PDK3: variants seen among roughly 807,000 people sequenced by gnomAD.
PDK3 encodes the protein pyruvate dehydrogenase kinase, isozyme 3.
PDK3 carries 12 observed loss-of-function variants against 32.0 expected under a neutral mutation model. The observed-to-expected ratio is 0.37, with a 90% CI of 0.24 to 0.61. The LOEUF (loss-of-function observed/expected upper bound fraction) is 0.61. Ranked by LOEUF, PDK3 falls within the 20% of genes least tolerant of loss-of-function variation. The pLI is 0.65. For missense variants in PDK3, 188 were observed against 316.9 expected, an observed-to-expected ratio of 0.59 and a Z score of 3.09; for synonymous variants, 122 against 116.3, an observed-to-expected ratio of 1.05 and a Z score of -0.31.
At chrX:24,536,023 G>T (rs1376717291), downstream of PDK3, among the ~76,000 whole-genome samples, 2 of 102,052 alleles carry the variant, frequency 2.0e-5, no homozygotes, top group Non-Finnish European at 4.0e-5. Context: ...GAAGGGAGGG[G>T]AGGGGAGGGA....
chrX:24,540,403 G>T lies in PDK3; in HGVS notation c.*1239G>T, dbSNP rs953359319. Reference sequence around the variant, plus strand: ...AAATGTTTCAGTCCAATTTGTAAGTGTTGAGTCCACTGATGTAGAAGTTCT... The same window carrying T: ...AAATGTTTCAGTCCAATTTGTAAGTTTTGAGTCCACTGATGTAGAAGTTCT... On this transcript the variant is annotated 3_prime_UTR_variant, in exon 12 of 12. Coordinates refer to the PDK3 transcript ENST00000568479. Among the ~76,000 whole-genome samples, 4 of 111,812 alleles carry T rather than the reference G, an allele frequency of 3.6e-5. No individual in the cohort carries two copies. In the South Asian group the frequency reaches 1.1e-3, roughly 31 times the overall value.
rs1921957499 is a variant in PDK3, at chrX:24,505,397, T to G, written c.595+99T>G. 5.4e-6 allele frequency: 3 copies of G among 555,371 alleles called. No individual in the cohort carries two copies. The East Asian group carries it at 1.1e-4, about 21-fold the overall frequency. The allele number at this position is 555,371 out of a possible 1,213,427, so 45.8% of individuals were successfully genotyped here. A position where few individuals can be genotyped will look rare whatever the true frequency, so the allele number is the denominator to read the frequency against. On this transcript the variant is annotated intron_variant, in intron 5 of 10. Coordinates refer to ENST00000379162, the MANE Select transcript of PDK3 (RefSeq NM_005391.5). Reference sequence around the variant, plus strand: ...AGGGTTATTTTGCAGTGCAGTCTGCTGATTCATCAGGTCACTCTGGGCCCA... The same window carrying G: ...AGGGTTATTTTGCAGTGCAGTCTGCGGATTCATCAGGTCACTCTGGGCCCA...
At chrX:24,531,250 G>A (rs1922643413) in intron 9 of PDK3, among the ~76,000 whole-genome samples, 1 of 111,322 alleles carries the variant, frequency 9.0e-6, no homozygotes, top group South Asian at 3.8e-4. Flanking sequence ...AGTAGAGATG[G>A]GGTTTCGCCA....
At position 24,476,177 on chromosome X, in the gene PDK3, G is replaced by GT. The variant is rs1003407379; in HGVS notation, c.106+10627dup. Among the ~76,000 whole-genome samples, 487 of 103,488 alleles carry GT rather than the reference G, an allele frequency of 4.7e-3. 2 individuals carry two copies. The highest frequency in any genetic ancestry group is 0.013 in the African/African-American group (388 of 28,787). The allele number at this position is 103,488 out of a possible 115,157, so 89.9% of individuals were successfully genotyped here. A position where few individuals can be genotyped will look rare whatever the true frequency, so the allele number is the denominator to read the frequency against. ...CCTATAGCCTGAGGGCTGGCCACCT[G>GT]TTTTTTTTTTTCTAATTAATAGACT... On this transcript the variant is annotated intron_variant, in intron 1 of 10. Transcript: ENST00000379162.
At position 24,465,329 on chromosome X, in the gene PDK3, GGC is replaced by G. The variant is rs1940051053; in HGVS notation, c.-124_-123del. The G allele has an allele frequency of 2.5e-6, 1 of 397,711 alleles. No homozygotes were observed. Among genetic ancestry groups the G allele is most frequent in the East Asian group, 4.9e-5 (1 of 20,450 alleles). 32.8% of individuals were successfully genotyped at this position (397,711 alleles called of 1,213,427 possible). On this transcript the variant is annotated 5_prime_UTR_variant, in exon 1 of 11. Coordinates refer to ENST00000379162, the MANE Select transcript of PDK3 (RefSeq NM_005391.5). ...CTGCTGCTGCGGCGGCTGCACCGGC[GGC>G]GCCGAGGCCGAGATCGAGGCCGGGG... is the stretch of plus-strand genomic sequence containing the variant.
chrX:24,487,239 C>A (rs750168168), intron 1 of PDK3, among the ~76,000 whole-genome samples: 7 of 112,323 alleles, frequency 6.2e-5, no homozygotes, highest in Admixed American at 2.8e-4. Context: ...CCTAGTAAAT[C>A]AAAAAATTAA....
At chrX:24,529,448 G>A (rs1040535776) in intron 9 of PDK3, among the ~76,000 whole-genome samples, 3 of 111,401 alleles carry the variant, frequency 2.7e-5, no homozygotes, top group Admixed American at 9.6e-5. Flanking sequence ...AGTGTACTAC[G>A]TGGCCGAAGA....
Position 24,494,907 on chromosome X carries a change from A to G in PDK3, c.248+24A>G, listed in dbSNP as rs770456577. On this transcript the variant is annotated intron_variant, in intron 2 of 10. Transcript: ENST00000379162. Reference sequence around the variant, plus strand: ...TGGTAAGTAAACAATGTGGCTTAAAATGGATCTTCCCACAATGCTGTGAAC... The same window carrying G: ...TGGTAAGTAAACAATGTGGCTTAAAGTGGATCTTCCCACAATGCTGTGAAC... The G allele has an allele frequency of 4.2e-6, 5 of 1,179,101 alleles. No individual in the cohort carries two copies. The African/African-American group carries it at 8.8e-5, about 21-fold the overall frequency.
intron 9 of PDK3, among the ~76,000 whole-genome samples, chrX:24,530,530 C>T (rs1487410583): frequency 1.8e-5 from 2 of 111,391 alleles, no homozygotes; most frequent in Non-Finnish European, 3.8e-5. Flanking sequence ...TGCTCAGAGT[C>T]GCACAGAAAG....
intron 5 of PDK3, among the ~76,000 whole-genome samples, chrX:24,511,393 G>T (rs1007587758): frequency 8.9e-6 from 1 of 111,831 alleles, no homozygotes; most frequent in Non-Finnish European, 1.9e-5. Context: ...TGGATGTTAC[G>T]AGAGTAAGGG....
chrX:24,483,120 A>G (rs998810402), intron 1 of PDK3, among the ~76,000 whole-genome samples: 6 of 112,603 alleles, frequency 5.3e-5, no homozygotes, highest in Admixed American at 2.8e-4. Context: ...TCTCAGCTGT[A>G]CAAAACTGAT....
chrX:24,468,055 G>A (rs1400361153), intron 1 of PDK3, among the ~76,000 whole-genome samples: 2 of 111,892 alleles, frequency 1.8e-5, no homozygotes, highest in African/African-American at 6.5e-5. Flanking sequence ...CAAATGGGAC[G>A]TACATTTTGA....
intron 1 of PDK3, among the ~76,000 whole-genome samples, chrX:24,482,359 T>C (rs1267445024): frequency 1.8e-5 from 2 of 111,346 alleles, no homozygotes; most frequent in Non-Finnish European, 3.8e-5. Context: ...CAGGCACCCA[T>C]CACCACGCCT....
intron 6 of PDK3, among the ~76,000 whole-genome samples, chrX:24,524,106 A>G (rs1922464841): frequency 8.9e-6 from 1 of 112,370 alleles, no homozygotes; most frequent in Admixed American, 9.4e-5. Flanking sequence ...TCAGAGGTGT[A>G]AAGATTGACA....
exon 12 of PDK3, among the ~76,000 whole-genome samples, chrX:24,543,648 C>T (rs765379941): frequency 9.1e-6 from 1 of 110,482 alleles, no homozygotes; most frequent in East Asian, 2.9e-4. Flanking sequence ...AGGGTTTCAC[C>T]ATGTTGCCCA....
At chrX:24,519,243 G>T (rs916753886) in intron 6 of PDK3, among the ~76,000 whole-genome samples, 1 of 110,962 alleles carries the variant, frequency 9.0e-6, no homozygotes, top group African/African-American at 3.3e-5. Flanking sequence ...AATCAAGGTA[G>T]AGTATGTAGA....
chrX:24,508,816 A>T (rs112642073), intron 5 of PDK3, among the ~76,000 whole-genome samples: 11,832 of 110,395 alleles, frequency 0.11, 871 homozygotes, highest in African/African-American at 0.26. Flanking sequence ...GGGTTCAAGC[A>T]ATTCTCCTGC....
intron 1 of PDK3, among the ~76,000 whole-genome samples, chrX:24,470,705 AAAAAAG>A (rs1211828702): frequency 9.3e-4 from 98 of 105,564 alleles, no homozygotes; most frequent in Non-Finnish European, 1.7e-3. Context: ...AAAAAAAAAA[AAAAAAG>A]AAGAAAAGAA....
At chrX:24,489,684 C>CAAA (rs11309543) in intron 1 of PDK3, among the ~76,000 whole-genome samples, 1 of 46,718 alleles carries the variant, frequency 2.1e-5, no homozygotes, top group African/African-American at 8.8e-5. Context: ...GACTCTGTCT[C>CAAA]AAAAAAAAAA....
Sources: allele counts gnomAD v4.1 joint callset (sites outside exome capture counted in the v4.1 genomes callset), GRCh38; gene constraint gnomAD v4.1.1; transcripts MANE v1.5; gene names NCBI Gene and HGNC (gene_info 2026-07-23, HGNC 2026-07-21).